Variants in SH3BGRL2 observed in about 807,000 individuals in gnomAD.
SH3BGRL2 encodes the protein SH3 domain-binding glutamic acid-rich-like protein 2.
A neutral mutation model predicts 14.8 loss-of-function variants in SH3BGRL2; 21 were observed. The ratio of observed to expected loss-of-function variants is 1.42; its 90% CI spans 1.01 to 2.05. The LOEUF (loss-of-function observed/expected upper bound fraction) is 2.05. Ranked by LOEUF, SH3BGRL2 falls within the 30% of genes most tolerant of loss-of-function variation. The pLI is 0.00. For missense variants in SH3BGRL2, 147 were observed against 130.8 expected, an observed-to-expected ratio of 1.12 and a Z score of -0.61; for synonymous variants, 50 against 47.8, an observed-to-expected ratio of 1.05 and a Z score of -0.19.
At chr6:79,628,939 G>A (rs1474946452), upstream of SH3BGRL2, among the ~76,000 whole-genome samples, 2 of 152,152 alleles carry the variant, frequency 1.3e-5, no homozygotes, top group African/African-American at 4.8e-5. Flanking sequence ...GCCCTCAAGA[G>A]CAGGGATATA....
chr6:79,696,689 T>C, intron 3 of SH3BGRL2, 124 bp downstream of exon 3: 1 of 641,188 alleles, frequency 1.6e-6, no homozygotes, highest in East Asian at 3.2e-5. Flanking sequence ...TTTTGCTTCC[T>C]CTGATGCATA....
chr6:79,611,796 T>C, the SH3BGRL2 span, among the ~76,000 whole-genome samples: 1 of 152,198 alleles, frequency 6.6e-6, no homozygotes, highest in Admixed American at 6.5e-5. Context: ...CAGTAACAAC[T>C]CAGCCATTTA....
rs1285273197 is a variant in SH3BGRL2, at chr6:79,667,749, A to C, written c.46-5865A>C. Among the ~76,000 whole-genome samples, 5 of 152,238 alleles carry C rather than the reference A, an allele frequency of 3.3e-5. No individual in the cohort carries two copies. In the East Asian group the frequency reaches 5.8e-4, roughly 18 times the overall value. ...GGCGTGAGCCACCGCTCCTGGCCTT[A>C]GGCTAAACTTAATTTAGCAGTTTAT... is the stretch of plus-strand genomic sequence containing the variant. On this transcript the variant is annotated intron_variant, in intron 1 of 3. Transcript: ENST00000369838.
the SH3BGRL2 span, among the ~76,000 whole-genome samples, chr6:79,556,857 ATATAT>A: frequency 7.4e-5 from 11 of 148,940 alleles, no homozygotes; most frequent in East Asian, 1.9e-4. Flanking sequence ...AAAAAGAAAC[ATATAT>A]TAAAGTATAA....
At chr6:79,612,719 C>T in the SH3BGRL2 span, among the ~76,000 whole-genome samples, 1 of 152,154 alleles carries the variant, frequency 6.6e-6, no homozygotes, top group Non-Finnish European at 1.5e-5. Context: ...ATTTCCTGAG[C>T]TCACATCAAC....
chr6:79,667,365 A>T (rs1769680502), intron 1 of SH3BGRL2, among the ~76,000 whole-genome samples: 1 of 152,094 alleles, frequency 6.6e-6, no homozygotes, highest in African/African-American at 2.4e-5. Context: ...CTGTTTACGT[A>T]TCTAGTTAGG....
the SH3BGRL2 span, among the ~76,000 whole-genome samples, chr6:79,592,799 C>G: frequency 5.3e-5 from 8 of 152,058 alleles, no homozygotes; most frequent in African/African-American, 1.9e-4. Flanking sequence ...TGAGGTAGGT[C>G]CTATTATTAT....
At chr6:79,608,780 C>A in the SH3BGRL2 span, among the ~76,000 whole-genome samples, 1 of 152,204 alleles carries the variant, frequency 6.6e-6, no homozygotes, top group South Asian at 2.1e-4. Context: ...TGAAACTACA[C>A]ATGTCCCACC....
chr6:79,699,729 G>A lies in SH3BGRL2; in HGVS notation c.*220G>A. 2.0e-6 allele frequency: 1 copy of A among 503,018 alleles called. No homozygotes were observed. Among genetic ancestry groups the A allele is most frequent in the Non-Finnish European group, 3.3e-6 (1 of 307,034 alleles). 31.2% of individuals were successfully genotyped at this position (503,018 alleles called of 1,614,324 possible). A position where few individuals can be genotyped will look rare whatever the true frequency, so the allele number is the denominator to read the frequency against. ...GGATTTTTTTTTTCTTATTCTATTT[G>A]CCTGCAGTTGCCTCACTCACCTGGA... is the stretch of plus-strand genomic sequence containing the variant. On this transcript the variant is annotated 3_prime_UTR_variant, in exon 4 of 4. Coordinates refer to ENST00000369838, the MANE Select transcript of SH3BGRL2 (RefSeq NM_031469.4).
chr6:79,572,519 G>T, the SH3BGRL2 span, among the ~76,000 whole-genome samples: 1 of 152,020 alleles, frequency 6.6e-6, no homozygotes, highest in Admixed American at 6.6e-5. Context: ...AGGCTGGAGT[G>T]CAGTGGCGTG....
chr6:79,682,636 G>A (rs1770010533), intron 2 of SH3BGRL2, among the ~76,000 whole-genome samples: 1 of 152,234 alleles, frequency 6.6e-6, no homozygotes, highest in Non-Finnish European at 1.5e-5. Flanking sequence ...GGGGCCCAAA[G>A]TCAGAGAAGA....
upstream of SH3BGRL2, among the ~76,000 whole-genome samples, chr6:79,631,054 T>G (rs575272062): frequency 6.6e-6 from 1 of 152,298 alleles, no homozygotes; most frequent in South Asian, 2.1e-4. Context: ...CGAGCCCTTT[T>G]GCCTAGTTTG....
In SH3BGRL2 at chr6:79,657,238, C is replaced by T. The variant is rs547613238; in HGVS notation, c.46-16376C>T. On this transcript the variant is annotated intron_variant, in intron 1 of 3. Coordinates refer to ENST00000369838, the MANE Select transcript of SH3BGRL2 (RefSeq NM_031469.4). The stretch of plus-strand genomic sequence containing the variant: ...GTGATATACGCTTAAGAAGAACACT[C>T]TTGTCTGCTTTTAGATGGGAGAGAG... 6.6e-5 allele frequency among the ~76,000 whole-genome samples: 10 copies of T among 150,684 alleles called. No homozygotes were observed. In the South Asian group the frequency reaches 2.1e-3, roughly 32 times the overall value.
chr6:79,608,914 C>T, the SH3BGRL2 span, among the ~76,000 whole-genome samples: 1 of 152,168 alleles, frequency 6.6e-6, no homozygotes, highest in Non-Finnish European at 1.5e-5. Flanking sequence ...ACACTGCCCC[C>T]ACAGAATGCT....
the SH3BGRL2 span, among the ~76,000 whole-genome samples, chr6:79,559,586 G>A: frequency 6.6e-6 from 1 of 152,184 alleles, no homozygotes; most frequent in Non-Finnish European, 1.5e-5. Flanking sequence ...CTTCGTATTA[G>A]ACTAGATCCT....
At chr6:79,629,445 C>T (rs573841939), upstream of SH3BGRL2, among the ~76,000 whole-genome samples, 2 of 146,450 alleles carry the variant, frequency 1.4e-5, no homozygotes, top group Non-Finnish European at 3.1e-5. Context: ...CTTGGGGGAC[C>T]CTTACAACCT....
At chr6:79,579,863 TAG>T in the SH3BGRL2 span, among the ~76,000 whole-genome samples, 1 of 151,850 alleles carries the variant, frequency 6.6e-6, no homozygotes, top group Non-Finnish European at 1.5e-5. Flanking sequence ...ACAAATTGGA[TAG>T]AGTCAAGACT....
the SH3BGRL2 span, among the ~76,000 whole-genome samples, chr6:79,601,086 C>T: frequency 1.3e-5 from 2 of 152,202 alleles, no homozygotes; most frequent in African/African-American, 4.8e-5. Flanking sequence ...CATCTGGCAG[C>T]ACTGTTTACC....
At chr6:79,662,463 G>A (rs977990461) in intron 1 of SH3BGRL2, among the ~76,000 whole-genome samples, 12 of 152,160 alleles carry the variant, frequency 7.9e-5, no homozygotes, top group African/African-American at 2.7e-4. Context: ...TAAGAATGTT[G>A]ACTATTGGCC....
Sources: gnomAD v4.1 joint callset for allele counts (sites outside exome capture counted in the v4.1 genomes callset) on GRCh38, gnomAD v4.1.1 for gene constraint, MANE v1.5 for transcripts, NCBI Gene and HGNC (gene_info 2026-07-23, HGNC 2026-07-21) for gene names.